ALDH8A1: variants seen among roughly 807,000 people sequenced by gnomAD.
The protein encoded by ALDH8A1 is 2-aminomuconic semialdehyde dehydrogenase.
ALDH8A1 carries 39 observed loss-of-function variants against 43.3 expected under a neutral mutation model. The ratio of observed to expected loss-of-function variants is 0.90; its 90% CI spans 0.70 to 1.18. The LOEUF is 1.18. Ranked by LOEUF, ALDH8A1 falls within the 50% of genes most tolerant of loss-of-function variation. The probability of loss-of-function intolerance (pLI) is 0.00; values close to 1 mark genes in which losing one functional copy is unlikely to be tolerated. For missense variants in ALDH8A1, 605 were observed against 622.6 expected (o/e 0.97, Z 0.30); for synonymous variants, 233 against 243.5 (o/e 0.96, Z 0.40).
intron 5 of ALDH8A1, 109 bp downstream of exon 5, chr6:134,932,667 G>A (rs919394089): frequency 1.2e-5 from 17 of 1,458,066 alleles, no homozygotes; most frequent in South Asian, 5.4e-5. Flanking sequence ...CTGCTTTCTC[G>A]GAAATGGCAC....
chr6:134,918,902 A>G lies in ALDH8A1; in HGVS notation c.1012-35T>C, dbSNP rs775265390. On this transcript the variant is annotated intron_variant, in intron 6 of 6. Coordinates refer to ENST00000265605, the MANE Select transcript of ALDH8A1 (RefSeq NM_022568.4). ...TAAAAATCATAATTAGCAATGTCTTACCATGTGGCTTCACACAAATCAGCA... is the reference window on the plus strand; with the variant it reads ...TAAAAATCATAATTAGCAATGTCTTGCCATGTGGCTTCACACAAATCAGCA... The G allele has an allele frequency of 5.6e-6, 9 of 1,594,654 alleles. No homozygotes were observed. The Admixed American group carries it at 1.5e-4, about 27-fold the overall frequency.
chr6:134,928,238 A>G (rs1209423217), intron 6 of ALDH8A1, among the ~76,000 whole-genome samples: 3 of 152,150 alleles, frequency 2.0e-5, no homozygotes, highest in Non-Finnish European at 4.4e-5. Flanking sequence ...CACTGAGAAA[A>G]CAGAAGAAAT....
chr6:134,943,436 T>C (rs1445499282), intron 2 of ALDH8A1, among the ~76,000 whole-genome samples: 1 of 152,230 alleles, frequency 6.6e-6, no homozygotes, highest in Admixed American at 6.5e-5. Flanking sequence ...ATAACTGCTT[T>C]TCAAATTATC....
In ALDH8A1 at chr6:134,929,082, G is replaced by A. The variant is rs772291428; in HGVS notation, c.983C>T (p.Ala328Val). 4.3e-6 allele frequency: 7 copies of A among 1,614,008 alleles called. No homozygotes were observed. The highest frequency in any genetic ancestry group is 5.9e-6 in the Non-Finnish European group (7 of 1,180,026). The stretch of plus-strand genomic sequence containing the variant: ...CTCCAAATGTGCTTTACTTATCAGA[G>A]CACCTATGCTCACCAGTGGATCAGA... ...IPSDPLVSIGALISKAHLEKV... is the reference protein window; with the variant it reads ...IPSDPLVSIGVLISKAHLEKV... The change falls in exon 6 of 7, where the codon GCT becomes GTT. Residue 328 changes from alanine (A) to valine (V), a missense_variant. Physicochemically the swap from Ala to Val is moderately conservative, Grantham distance 64 (BLOSUM62 0). Transcript: ENST00000265605.
chr6:134,939,875 T>C (rs536152445), intron 3 of ALDH8A1, among the ~76,000 whole-genome samples: 64 of 152,300 alleles, frequency 4.2e-4, no homozygotes, highest in African/African-American at 1.5e-3. Context: ...ATATACACAA[T>C]GGAATACAAT....
chr6:134,946,016 G>T (rs995667426), intron 1 of ALDH8A1, among the ~76,000 whole-genome samples: 1 of 152,176 alleles, frequency 6.6e-6, no homozygotes, highest in African/African-American at 2.4e-5. Flanking sequence ...AGACATGCCT[G>T]CTTCCTCTTC....
At chr6:134,924,347 G>A (rs1776852205) in intron 6 of ALDH8A1, among the ~76,000 whole-genome samples, 1 of 152,082 alleles carries the variant, frequency 6.6e-6, no homozygotes, top group East Asian at 1.9e-4. Context: ...CTTGCACAAA[G>A]GCCACCACAA....
chr6:134,941,499 C>T (rs971677466), intron 3 of ALDH8A1: 2 of 152,336 alleles, frequency 1.3e-5, no homozygotes, highest in African/African-American at 4.8e-5. Flanking sequence ...GCAATTCTCC[C>T]TGCCTCAGCC....
Position 134,929,231 on chromosome 6 carries a change from A to G in ALDH8A1, c.850-16T>C, listed in dbSNP as rs770317085. On this transcript the variant is annotated splice_polypyrimidine_tract_variant and intron_variant, in intron 5 of 6. Coordinates refer to ENST00000265605, the MANE Select transcript of ALDH8A1 (RefSeq NM_022568.4). ...AGATTTCACCCTGCCAAGAATGAGA[A>G]CAGGGATAAGGCTGCGGACACTCTC... 8 of 1,613,156 alleles carry G rather than the reference A, an allele frequency of 5.0e-6. No individual in the cohort carries two copies. The highest frequency in any genetic ancestry group is 5.1e-6 in the Non-Finnish European group (6 of 1,179,534).
Position 134,929,075 on chromosome 6 carries a change from T to TATCAGAGCACCTATGCTCACCAGTGG in ALDH8A1, c.964_989dup (p.Ser331HisfsTer3). The TATCAGAGCACCTATGCTCACCAGTGG allele has an allele frequency of 6.2e-7, 1 of 1,614,052 alleles. No homozygotes were observed. Among genetic ancestry groups the TATCAGAGCACCTATGCTCACCAGTGG allele is most frequent in the East Asian group, 2.2e-5 (1 of 44,886 alleles). ...TTACTTTCTCCAAATGTGCTTTACT[T>TATCAGAGCACCTATGCTCACCAGTGG]ATCAGAGCACCTATGCTCACCAGTG... is the stretch of plus-strand genomic sequence containing the variant. On this transcript the variant is annotated stop_gained and frameshift_variant, in exon 6 of 7. Coordinates refer to ENST00000265605, the MANE Select transcript of ALDH8A1 (RefSeq NM_022568.4). LOFTEE classifies it high-confidence loss of function.
rs1206321004 is a variant in ALDH8A1 at position 134,943,967 on chromosome 6, C to T, written c.139-1G>A. The T allele has an allele frequency of 6.2e-7, 1 of 1,613,328 alleles. No individual in the cohort carries two copies. Among genetic ancestry groups the T allele is most frequent in the Non-Finnish European group, 8.5e-7 (1 of 1,179,552 alleles). On this transcript the variant is annotated splice_acceptor_variant, in intron 1 of 6. Coordinates refer to ENST00000265605, the MANE Select transcript of ALDH8A1 (RefSeq NM_022568.4). LOFTEE classifies it high-confidence loss of function. ...TGGCGGCCTTGACCGCGGCTTCGAT[C>T]TTTGAGGAGCAAATGGGAGAAAGGG...
rs1776743924 is a variant in ALDH8A1, at chr6:134,918,505, C to G, written c.1374G>C (p.Gly458=). ...TACCTATTCCAGAACTCTTCATCCC[C>G]CCGAAAGGAAGGTTCAGCTCCCTGA... ...WLIRELNLPF[G]GMKSSGIGRE... Residue 458 remains glycine, a synonymous_variant, in exon 7 of 7, where the codon GGG becomes GGC. Coordinates refer to ENST00000265605, the MANE Select transcript of ALDH8A1 (RefSeq NM_022568.4). 2 of 1,614,150 alleles carry G rather than the reference C, an allele frequency of 1.2e-6. No homozygotes were observed. Among genetic ancestry groups the G allele is most frequent in the East Asian group, 4.5e-5 (2 of 44,886 alleles).
Sources: allele counts gnomAD v4.1 joint callset (sites outside exome capture counted in the v4.1 genomes callset), GRCh38; gene constraint gnomAD v4.1.1; transcripts MANE v1.5; gene names NCBI Gene and HGNC (gene_info 2026-07-23, HGNC 2026-07-21).